The following SLCO5A1 variants were observed in gnomAD, a reference collection of about 807,000 sequenced individuals.
SLCO5A1 encodes the protein solute carrier organic anion transporter family member 5A1, also known as organic anion transporter polypeptide-related protein 4.
Under a neutral mutation model 65.1 loss-of-function variants are expected in SLCO5A1, and 39 were observed. The ratio of observed to expected loss-of-function variants is 0.60; its 90% confidence interval spans 0.46 to 0.78. The LOEUF (loss-of-function observed/expected upper bound fraction) is 0.78, where lower values mean the gene tolerates loss of function less well. Among genes scored for constraint, SLCO5A1 ranks in the 30% least tolerant of loss-of-function variants. SLCO5A1 has a pLI of 0.00. For synonymous variants in SLCO5A1, 438 were observed against 415.7 expected, an observed-to-expected ratio of 1.05 and a Z score of -0.65; for missense variants, 1,029 against 1,069.4, an observed-to-expected ratio of 0.96 and a Z score of 0.53.
chr8:69,832,373 G>A lies in SLCO5A1; in HGVS notation c.301C>T (p.Leu101Phe), dbSNP rs754906536. Residue 101 changes from leucine (L) to phenylalanine (F), a missense_variant, in exon 2 of 10, where the codon CTC becomes TTC. Transcript: ENST00000260126. The surrounding 1 kb of genome is among the most constrained non-coding windows in gnomAD (Gnocchi z 4.5). ...GAGGACACCGAGAAGGTTTTGCTGA[G>A]GTCCACCCTGTGGTTACAGTCCCCG... is the stretch of plus-strand genomic sequence containing the variant. Reference protein sequence around the residue: ...GLGDCNHRVDLSKTFSVSSAL... With the variant: ...GLGDCNHRVDFSKTFSVSSAL... 1 of 1,613,608 alleles carries A rather than the reference G, an allele frequency of 6.2e-7. No homozygotes were observed. The highest frequency in any genetic ancestry group is 1.3e-5 in the African/African-American group (1 of 74,898).
chr8:69,810,059 C>A (rs1008445892), intron 2 of SLCO5A1, among the ~76,000 whole-genome samples: 4 of 152,116 alleles, frequency 2.6e-5, no homozygotes, highest in African/African-American at 9.7e-5. Context: ...AGCAAAGCAC[C>A]AGTGCATGGC....
At position 69,668,910 on chromosome 8, in the gene SLCO5A1, T is replaced by A. The variant is rs1813257598; in HGVS notation, c.*3959A>T. 1 of 152,106 alleles carries A rather than the reference T, an allele frequency of 6.6e-6. No individual in the cohort carries two copies. The highest frequency in any genetic ancestry group is 1.5e-5 in the Non-Finnish European group (1 of 68,024). 9.4% of individuals were successfully genotyped at this position (152,106 alleles called of 1,614,324 possible). On this transcript the variant is annotated 3_prime_UTR_variant, in exon 10 of 10. Coordinates refer to ENST00000260126, the MANE Select transcript of SLCO5A1 (RefSeq NM_030958.3). ...TGGTTTGATATGTATTTTATGTGTG[T>A]TCACTTAAAACCCTTATTAGGAATC...
intron 4 of SLCO5A1, among the ~76,000 whole-genome samples, chr8:69,754,346 TAC>T (rs754825333): frequency 1.3e-5 from 2 of 152,314 alleles, no homozygotes; most frequent in Admixed American, 6.5e-5. Context: ...TTTCAAAAAT[TAC>T]AGTCTTTAAA....
chr8:69,745,632 C>A (rs1369186004), intron 4 of SLCO5A1, among the ~76,000 whole-genome samples: 1 of 152,106 alleles, frequency 6.6e-6, no homozygotes, highest in Non-Finnish European at 1.5e-5. Flanking sequence ...TATATCCACA[C>A]ATACTAACAT....
intron 2 of SLCO5A1, among the ~76,000 whole-genome samples, chr8:69,796,050 G>C (rs1025480696): frequency 6.6e-6 from 1 of 152,214 alleles, no homozygotes; most frequent in African/African-American, 2.4e-5. Context: ...CACAGGGCAG[G>C]GGGGGCCCTG....
At chr8:69,815,044 G>A (rs1820346319) in intron 2 of SLCO5A1, among the ~76,000 whole-genome samples, 1 of 152,092 alleles carries the variant, frequency 6.6e-6, no homozygotes, top group African/African-American at 2.4e-5. Context: ...TGATTAAAAG[G>A]GTACAAAATT....
chr8:69,819,369 C>T (rs1820542114), intron 2 of SLCO5A1, among the ~76,000 whole-genome samples: 1 of 151,590 alleles, frequency 6.6e-6, no homozygotes, highest in Non-Finnish European at 1.5e-5. Context: ...CCCAGGCAGG[C>T]ACACTGCTTG....
chr8:69,772,448 G>A (rs1055465769), intron 2 of SLCO5A1, among the ~76,000 whole-genome samples: 6 of 151,756 alleles, frequency 4.0e-5, no homozygotes, highest in East Asian at 3.9e-4. Context: ...CCTCCAGCCC[G>A]TGGGGTGATG....
At chr8:69,691,477 G>A (rs956645200) in intron 6 of SLCO5A1, among the ~76,000 whole-genome samples, 1 of 152,072 alleles carries the variant, frequency 6.6e-6, no homozygotes, top group African/African-American at 2.4e-5. Flanking sequence ...AAACTATATG[G>A]CTCCTGATTA....
chr8:69,789,434 T>C (rs73287522), intron 2 of SLCO5A1, among the ~76,000 whole-genome samples: 3,170 of 152,278 alleles, frequency 0.021, 104 homozygotes, highest in African/African-American at 0.072. Flanking sequence ...ATCAAGTAAG[T>C]GGTCAAAGAC....
intron 2 of SLCO5A1, among the ~76,000 whole-genome samples, chr8:69,816,078 T>C (rs993931775): frequency 1.2e-4 from 19 of 152,208 alleles, no homozygotes; most frequent in African/African-American, 4.3e-4. Flanking sequence ...TTTTGACTTC[T>C]AGTTCCAAGA....
At chr8:69,714,432 C>G (rs1815419111) in intron 5 of SLCO5A1, among the ~76,000 whole-genome samples, 1 of 152,176 alleles carries the variant, frequency 6.6e-6, no homozygotes, top group Admixed American at 6.5e-5. Context: ...GAAGAACTTA[C>G]AGTAAGTTCT....
chr8:69,696,474 C>T (rs1047358991), intron 6 of SLCO5A1, among the ~76,000 whole-genome samples: 2 of 152,200 alleles, frequency 1.3e-5, no homozygotes, highest in African/African-American at 4.8e-5. Flanking sequence ...CTAAGGAAGA[C>T]AAATTGTATC....
chr8:69,766,269 T>C (rs1818054024), intron 2 of SLCO5A1, among the ~76,000 whole-genome samples: 1 of 152,124 alleles, frequency 6.6e-6, no homozygotes, highest in Non-Finnish European at 1.5e-5. Context: ...ATGAGCCAGA[T>C]CATGTCACTT....
Position 69,755,546 on chromosome 8 carries a change from T to G in SLCO5A1, c.1136A>C (p.Lys379Thr), listed in dbSNP as rs1470339193. 2 of 1,613,998 alleles carry G rather than the reference T, an allele frequency of 1.2e-6. No individual in the cohort carries two copies. The highest frequency in any genetic ancestry group is 1.7e-6 in the Non-Finnish European group (2 of 1,180,012). ...ATCAACAGAAAATTTTTTCTTTTTC[T>G]TTTTCTTGTGTCGAGGTGGAAGCTT... is the stretch of plus-strand genomic sequence containing the variant. Reference protein sequence around the residue: ...PKKLPPRHKKKKKKKFSVDAV... With the variant: ...PKKLPPRHKKTKKKKFSVDAV... Residue 379 changes from lysine to threonine, a missense_variant, in exon 4 of 10, where the codon AAG becomes ACG. Lys to Thr is a moderately conservative substitution (Grantham distance 78, BLOSUM62 -1). Coordinates refer to ENST00000260126, the MANE Select transcript of SLCO5A1 (RefSeq NM_030958.3).
At chr8:69,675,864 A>G (rs16936280) in intron 9 of SLCO5A1, among the ~76,000 whole-genome samples, 65,055 of 152,108 alleles carry the variant, frequency 0.43, 14,120 homozygotes, top group African/African-American at 0.47. Context: ...AGAAAAAGAC[A>G]TTATAAAAGG....
At chr8:69,813,615 G>A (rs760047159) in intron 2 of SLCO5A1, among the ~76,000 whole-genome samples, 1 of 152,154 alleles carries the variant, frequency 6.6e-6, no homozygotes, top group Non-Finnish European at 1.5e-5. Context: ...GCTGTCCTAC[G>A]ACATCTCTCA....
intron 4 of SLCO5A1, among the ~76,000 whole-genome samples, chr8:69,740,173 C>T (rs1383953270): frequency 1.3e-5 from 2 of 152,190 alleles, no homozygotes; most frequent in Non-Finnish European, 2.9e-5. Context: ...AGACCTTCAA[C>T]GACTCTAAGT....
intron 2 of SLCO5A1, among the ~76,000 whole-genome samples, chr8:69,786,341 A>G (rs1224992429): frequency 6.6e-6 from 1 of 152,208 alleles, no homozygotes; most frequent in African/African-American, 2.4e-5. Context: ...TATAAACCTC[A>G]TGATCCATCC....
Sources: gnomAD v4.1 joint callset for allele counts (sites outside exome capture counted in the v4.1 genomes callset) on GRCh38, gnomAD v4.1.1 for gene constraint, Gnocchi (gnomAD v3.1) non-coding constraint, MANE v1.5 for transcripts, NCBI Gene and HGNC (gene_info 2026-07-23, HGNC 2026-07-21) for gene names.